DSPP: variants seen among roughly 807,000 people sequenced by gnomAD.
The protein encoded by DSPP is dentin sialophosphoprotein, also known as deafness, autosomal dominant 39.
A neutral mutation model predicts 29.1 loss-of-function variants in DSPP; 28 were observed. The observed-to-expected ratio is 0.96, with a 90% CI of 0.71 to 1.32. The LOEUF (loss-of-function observed/expected upper bound fraction) is 1.32, where lower values mean the gene tolerates loss of function less well. Ranked by LOEUF, DSPP falls within the 40% of genes most tolerant of loss-of-function variation. DSPP has a pLI of 0.00. For missense variants in DSPP, 1,281 were observed against 1,629.9 expected (o/e 0.79, Z 3.69); for synonymous variants, 481 against 503.4 (o/e 0.96, Z 0.60).
chr4:87,612,616 G>C lies in DSPP; in HGVS notation c.430G>C (p.Asp144His), dbSNP rs751672802. 1 of 1,614,022 alleles carries C rather than the reference G, an allele frequency of 6.2e-7. No individual in the cohort carries two copies. The highest frequency in any genetic ancestry group is 1.1e-5 in the South Asian group (1 of 91,038). ...CATCCAGGGACAAGTAAGCATCATT[G>C]ACAATGCTGGAGCCACAAACAGAAG... ...NGIQGQVSII[D>H]NAGATNRSNT... The change falls in exon 4 of 5, where the codon GAC becomes CAC. Residue 144 changes from aspartate to histidine, a missense_variant. By Grantham distance (81) the Asp-to-His change is moderately conservative. Around this residue, in one of 4 missense-constraint regions of DSPP, gnomAD observed 631 missense variants for 643.2 expected, o/e 0.98. Coordinates refer to ENST00000651931, the MANE Select transcript of DSPP (RefSeq NM_014208.3).
Position 87,613,249 on chromosome 4 carries a change from G to T in DSPP, c.1063G>T (p.Val355Leu), listed in dbSNP as rs61738515. ...GCTCAACCATAGAGAAAGCAAACGC[G>T]TAGAAAATAGAATCACCAAAGAATC... ...QKLNHRESKRVENRITKESET... is the reference protein window; with the variant it reads ...QKLNHRESKRLENRITKESET... Residue 355 changes from valine (V) to leucine (L), a missense_variant, in exon 4 of 5, where the codon GTA becomes TTA. Transcript: ENST00000651931. 5 of 1,613,682 alleles carry T rather than the reference G, an allele frequency of 3.1e-6. No individual in the cohort carries two copies. The African/African-American group carries it at 6.7e-5, about 22-fold the overall frequency.
In DSPP at chr4:87,615,821, C is replaced by G. The variant is rs1451699884; in HGVS notation, c.3159C>G (p.Asp1053Glu). 1 of 1,542,014 alleles carries G rather than the reference C, an allele frequency of 6.5e-7. No homozygotes were observed. Among genetic ancestry groups the G allele is most frequent in the Non-Finnish European group, 8.7e-7 (1 of 1,143,322 alleles). Reference sequence around the variant, plus strand: ...GCAGCGATAGCAGTGACAGCAGTGACAGCAGCAATAGCAGTGACAGCAGTG... The same window carrying G: ...GCAGCGATAGCAGTGACAGCAGTGAGAGCAGCAATAGCAGTGACAGCAGTG... The part of the protein sequence containing the change: ...SDSSDSSDSS[D>E]SSNSSDSSDS... The change falls in exon 5 of 5, where the codon GAC becomes GAG. Residue 1053 changes from aspartate to glutamate, a missense_variant. Asp to Glu is a conservative substitution (Grantham distance 45, BLOSUM62 2). Around this residue, in one of 4 missense-constraint regions of DSPP, gnomAD observed 72 missense variants for 190.3 expected, o/e 0.38. Coordinates refer to ENST00000651931, the MANE Select transcript of DSPP (RefSeq NM_014208.3).
chr4:87,611,029 TA>T, intron 2 of DSPP, 70 bp downstream of exon 2: 1 of 1,031,170 alleles, frequency 9.7e-7, no homozygotes, highest in Non-Finnish European at 1.4e-6. Context: ...ATACAAAATG[TA>T]GTGTGTGTGT....
In DSPP at chr4:87,616,097, T is replaced by A. The variant is rs371359066; in HGVS notation, c.3435T>A (p.Ser1145Arg). 1.1e-6 allele frequency: 1 copy of A among 927,388 alleles called. No homozygotes were observed. Among genetic ancestry groups the A allele is most frequent in the Non-Finnish European group, 1.4e-6 (1 of 712,170 alleles). 57.4% of individuals were successfully genotyped at this position (927,388 alleles called of 1,614,324 possible). ...ACAGCAGCAACAGCAGTGACAGCAG[T>A]GACAGCAGTGAAAGCAGCGACAGCA... ...SSDSSNSSDS[S>R]DSSESSDSSD... Residue 1145 changes from serine to arginine, a missense_variant, in exon 5 of 5, where the codon AGT becomes AGA. Ser to Arg is a moderately radical substitution (Grantham distance 110). Coordinates refer to ENST00000651931, the MANE Select transcript of DSPP (RefSeq NM_014208.3).
intron 1 of DSPP, 106 bp from the exon 2 acceptor site, chr4:87,610,775 G>A: frequency 1.3e-6 from 1 of 757,882 alleles, no homozygotes; most frequent in Non-Finnish European, 2.3e-6. Flanking sequence ...TTAGATACAT[G>A]CTTCTTGTCC....
intron 2 of DSPP, 118 bp downstream of exon 2, chr4:87,611,077 GTA>G (rs1234271718): frequency 1.0e-6 from 1 of 958,802 alleles, no homozygotes; most frequent in African/African-American, 1.7e-5. Context: ...GTACATGTGT[GTA>G]TATATGTGTG....
At position 87,616,772 on chromosome 4, in the gene DSPP, G is replaced by A. The variant is rs1727966725; in HGVS notation, c.*204G>A. 1.4e-6 allele frequency: 1 copy of A among 735,924 alleles called. No homozygotes were observed. 45.6% of individuals were successfully genotyped at this position (735,924 alleles called of 1,614,324 possible). On this transcript the variant is annotated 3_prime_UTR_variant, in exon 5 of 5. Transcript: ENST00000651931. ...GACAGACTCTGAATGCATGACCTTTGGTACATGCCTGTTAATATTCATGTT... is the reference window on the plus strand; with the variant it reads ...GACAGACTCTGAATGCATGACCTTTAGTACATGCCTGTTAATATTCATGTT...
In DSPP at chr4:87,612,778, G is replaced by A. The variant is rs1355843745; in HGVS notation, c.592G>A (p.Glu198Lys). Residue 198 changes from glutamate (E) to lysine (K), a missense_variant, in exon 4 of 5, where the codon GAA becomes AAA. This residue lies in a region of DSPP where 631 missense variants were observed against 643.2 expected (regional missense o/e 0.98). Transcript: ENST00000651931. ...CAATAACAGTACAGACAATGAGGAT[G>A]AAATAATTGAGAATTCCTGTAGAAA... ...GSNNSTDNED[E>K]IIENSCRNEG... 6.2e-7 allele frequency: 1 copy of A among 1,614,210 alleles called. No individual in the cohort carries two copies. The highest frequency in any genetic ancestry group is 1.7e-5 in the Admixed American group (1 of 60,020).
Position 87,612,446 on chromosome 4 carries a change from A to C in DSPP, c.260A>C (p.Glu87Ala). The C allele has an allele frequency of 6.2e-7, 1 of 1,614,022 alleles. No homozygotes were observed. Among genetic ancestry groups the C allele is most frequent in the South Asian group, 1.1e-5 (1 of 91,050 alleles). ...KGEGNGSKWA[E>A]VGGKSFSTYS... is the part of the protein sequence containing the mutation. Reference sequence around the variant, plus strand: ...GAAGGGAATGGCTCTAAGTGGGCAGAAGTAGGAGGGAAGAGTTTTTCTACA... The same window carrying C: ...GAAGGGAATGGCTCTAAGTGGGCAGCAGTAGGAGGGAAGAGTTTTTCTACA... Residue 87 changes from glutamate to alanine, a missense_variant, in exon 4 of 5, where the codon GAA (glutamate) becomes GCA (alanine). Glu to Ala is a moderately radical substitution (Grantham distance 107). Transcript: ENST00000651931.
In DSPP at chr4:87,614,499, A is replaced by G; in HGVS notation, c.1837A>G (p.Ser613Gly). 2 of 1,551,674 alleles carry G rather than the reference A, an allele frequency of 1.3e-6. No individual in the cohort carries two copies. The highest frequency in any genetic ancestry group is 1.7e-6 in the Non-Finnish European group (2 of 1,146,956). ...TAGTGACAGCAGTGATAGCAGTGAC[A>G]GTAGTGATAGTAGTGACAGCAGTGA... The part of the protein sequence containing the change: ...DSSDSSDSSD[S>G]SDSSDSSDSK... The change falls in exon 5 of 5, where the codon AGT becomes GGT. Residue 613 changes from serine to glycine, a missense_variant. Physicochemically the swap from Ser to Gly is moderately conservative, Grantham distance 56 (BLOSUM62 0). Transcript: ENST00000651931.
chr4:87,615,252 A>G lies in DSPP; in HGVS notation c.2590A>G (p.Ser864Gly), dbSNP rs948860625. 6.5e-7 allele frequency: 1 copy of G among 1,544,820 alleles called. No homozygotes were observed. The highest frequency in any genetic ancestry group is 1.4e-5 in the African/African-American group (1 of 70,234). Residue 864 changes from serine to glycine, a missense_variant, in exon 5 of 5, where the codon AGT (serine) becomes GGT (glycine). By Grantham distance (56) the Ser-to-Gly change is moderately conservative. Coordinates refer to ENST00000651931, the MANE Select transcript of DSPP (RefSeq NM_014208.3). ...CAGCAATAGAAGTGACAGTAGTAAT[A>G]GTAGTGACAGCAGCGATAGCAGTGA... ...DSSNRSDSSN[S>G]SDSSDSSDSS...
In DSPP at chr4:87,613,920, G is replaced by A. The variant is rs911893658; in HGVS notation, c.1258G>A (p.Val420Ile). The A allele has an allele frequency of 3.1e-6, 5 of 1,614,188 alleles. No homozygotes were observed. Among genetic ancestry groups the A allele is most frequent in the African/African-American group, 1.3e-5 (1 of 75,056 alleles). The change falls in exon 5 of 5, where the codon GTT (valine) becomes ATT (isoleucine). Residue 420 changes from valine to isoleucine, a missense_variant. Physicochemically the swap from Val to Ile is conservative, Grantham distance 29. Around this residue, in one of 4 missense-constraint regions of DSPP, gnomAD observed 631 missense variants for 643.2 expected, o/e 0.98. Transcript: ENST00000651931. ...AGGCAATGTCAAGACACAAGGAGAGGTTGTCAACATAGAAGGACCTGGCCA... is the reference window on the plus strand; with the variant it reads ...AGGCAATGTCAAGACACAAGGAGAGATTGTCAACATAGAAGGACCTGGCCA... ...GKGNVKTQGE[V>I]VNIEGPGQKS...
chr4:87,614,721 A>AGCAACAGCC lies in DSPP; in HGVS notation c.2060_2061insCAACAGCCG (p.Ser687_Asp688insAsnSerArg). On this transcript the variant is annotated inframe_insertion, in exon 5 of 5. Transcript: ENST00000651931. Reference sequence around the variant, plus strand: ...CAGTAGCAGTGACAGCAGCAACAGCAGTGATAGTAGTGACAGTAGTGACAG... The same window carrying AGCAACAGCC: ...CAGTAGCAGTGACAGCAGCAACAGCAGCAACAGCCGTGATAGTAGTGACAGTAGTGACAG... 1 of 1,544,422 alleles carries AGCAACAGCC rather than the reference A, an allele frequency of 6.5e-7. No homozygotes were observed. Among genetic ancestry groups the AGCAACAGCC allele is most frequent in the Non-Finnish European group, 8.8e-7 (1 of 1,141,814 alleles).
At position 87,616,410 on chromosome 4, in the gene DSPP, A is replaced by T; in HGVS notation, c.3748A>T (p.Ser1250Cys). ...CGATAGCAGTGACAGCAGCAACAGC[A>T]GTGACAGCAGCGACAGCAGTGATAG... ...SSDSSDSSNSSDSSDSSDSSD... is the reference protein window; with the variant it reads ...SSDSSDSSNSCDSSDSSDSSD... Residue 1250 changes from serine to cysteine, a missense_variant, in exon 5 of 5, where the codon AGT becomes TGT. Physicochemically the swap from Ser to Cys is moderately radical, Grantham distance 112. Transcript: ENST00000651931. 1 of 1,549,318 alleles carries T rather than the reference A, an allele frequency of 6.5e-7. No homozygotes were observed. Among genetic ancestry groups the T allele is most frequent in the Non-Finnish European group, 8.7e-7 (1 of 1,145,732 alleles).
Position 87,614,762 on chromosome 4 carries a change from G to GAGCAGTGATAGTAGTGAC in DSPP, c.2113_2130dup (p.Ser705_Ser710dup). On this transcript the variant is annotated inframe_insertion, in exon 5 of 5. Coordinates refer to ENST00000651931, the MANE Select transcript of DSPP (RefSeq NM_014208.3). Reference sequence around the variant, plus strand: ...GTAGTGACAGCAGCAATAGCAGTGAGAGCAGTGATAGTAGTGACAGCAGTG... The same window carrying GAGCAGTGATAGTAGTGAC: ...GTAGTGACAGCAGCAATAGCAGTGAGAGCAGTGATAGTAGTGACAGCAGTGATAGTAGTGACAGCAGTG... 1 of 1,540,634 alleles carries GAGCAGTGATAGTAGTGAC rather than the reference G, an allele frequency of 6.5e-7. No homozygotes were observed. Among genetic ancestry groups the GAGCAGTGATAGTAGTGAC allele is most frequent in the Non-Finnish European group, 8.8e-7 (1 of 1,142,634 alleles).
chr4:87,610,762 G>A (rs777010097), intron 1 of DSPP, 119 bp from the exon 2 acceptor site: 7 of 701,582 alleles, frequency 1.0e-5, no homozygotes, highest in Non-Finnish European at 1.8e-5. Flanking sequence ...ATGTCTTCTC[G>A]TGTTAGATAC....
In DSPP at chr4:87,615,043, G is replaced by A. The variant is rs1405784792; in HGVS notation, c.2381G>A (p.Ser794Asn). The part of the protein sequence containing the change: ...DSNDSSNSSD[S>N]SDSSNSSDSS... Reference sequence around the variant, plus strand: ...AACGACAGCAGCAATAGCAGTGACAGCAGTGATAGCAGCAACAGCAGTGAT... The same window carrying A: ...AACGACAGCAGCAATAGCAGTGACAACAGTGATAGCAGCAACAGCAGTGAT... Residue 794 changes from serine (S) to asparagine (N), a missense_variant, in exon 5 of 5, where the codon AGC (serine) becomes AAC (asparagine). Physicochemically the swap from Ser to Asn is conservative, Grantham distance 46. Around this residue, in one of 4 missense-constraint regions of DSPP, gnomAD observed 444 missense variants for 611.4 expected, o/e 0.73. Coordinates refer to ENST00000651931, the MANE Select transcript of DSPP (RefSeq NM_014208.3). The A allele has an allele frequency of 6.4e-7, 1 of 1,550,694 alleles. No individual in the cohort carries two copies. Among genetic ancestry groups the A allele is most frequent in the Non-Finnish European group, 8.7e-7 (1 of 1,146,446 alleles).
chr4:87,610,992 T>C, intron 2 of DSPP, 33 bp downstream of exon 2: 1 of 1,596,096 alleles, frequency 6.3e-7, no homozygotes, highest in South Asian at 1.1e-5. Context: ...ACCTCTTCAC[T>C]TTGTTATCTT....
chr4:87,612,972 T>C lies in DSPP; in HGVS notation c.786T>C (p.Asp262=). 4 of 1,613,838 alleles carry C rather than the reference T, an allele frequency of 2.5e-6. No individual in the cohort carries two copies. The highest frequency in any genetic ancestry group is 1.7e-5 in the Admixed American group (1 of 59,992). Residue 262 remains aspartate (D), a synonymous_variant, in exon 4 of 5, where the codon GAT becomes GAC. Transcript: ENST00000651931. Reference sequence around the variant, plus strand: ...ATGAAGACGAGGGTTCTGGTGATGATGAAGATGAAGAAGCAGGGAATGGAA... The same window carrying C: ...ATGAAGACGAGGGTTCTGGTGATGACGAAGATGAAGAAGCAGGGAATGGAA... ...DEDEDEGSGD[D]EDEEAGNGKD...
Sources: allele counts gnomAD v4.1 joint callset, GRCh38; gene constraint gnomAD v4.1.1; regional missense constraint gnomAD v4.1.1; transcripts MANE v1.5; gene names NCBI Gene and HGNC (gene_info 2026-07-23, HGNC 2026-07-21).